The following TRUB1 variants were observed in gnomAD, a reference collection of about 807,000 sequenced individuals.
The protein encoded by TRUB1 is TruB pseudouridine synthase family member 1, also known as pseudouridylate synthase TRUB1.
Under a neutral mutation model 33.9 loss-of-function variants are expected in TRUB1, and 23 were observed. The observed-to-expected ratio is 0.68, with a 90% CI of 0.49 to 0.96. The LOEUF (loss-of-function observed/expected upper bound fraction) is 0.96, where lower values mean the gene tolerates loss of function less well. Ranked by LOEUF, TRUB1 falls within the 40% of genes least tolerant of loss-of-function variation. TRUB1 has a pLI of 0.00. For synonymous variants in TRUB1, 163 were observed against 165.4 expected (o/e 0.99, Z 0.11); for missense variants, 378 against 422.2 (o/e 0.90, Z 0.92).
Position 114,970,391 on chromosome 10 carries a change from G to T in TRUB1, c.547G>T (p.Glu183Ter). ...AGATAAAATAACACAAGAAGATATT[G>T]AAGGCATTCTACAGAAATTTACTGG... ...PYDKITQEDI[E>*]GILQKFTGNI... The change falls in exon 5 of 8, where the codon GAA becomes TAA. Residue 183 changes from glutamate (E) to a stop codon, truncating the protein, a stop_gained. Transcript: ENST00000298746. LOFTEE classifies it high-confidence loss of function. The T allele has an allele frequency of 6.2e-7, 1 of 1,612,292 alleles. No individual in the cohort carries two copies. The highest frequency in any genetic ancestry group is 1.1e-5 in the South Asian group (1 of 90,806).
chr10:114,942,681 A>G lies in TRUB1; in HGVS notation c.323A>G (p.Lys108Arg), dbSNP rs1030840502. Residue 108 changes from lysine to arginine, a missense_variant, in exon 2 of 8, where the codon AAA (lysine) becomes AGA (arginine). Coordinates refer to ENST00000298746, the MANE Select transcript of TRUB1 (RefSeq NM_139169.5). The stretch of plus-strand genomic sequence containing the variant: ...CCTTCTCCAGAATGGACCAAGAGGA[A>G]AAAGCAGACTTTGAAAATTGGGCAT... ...GMPSPEWTKR[K>R]KQTLKIGHGG... 5.0e-6 allele frequency: 8 copies of G among 1,614,024 alleles called. No individual in the cohort carries two copies. In the Admixed American group the frequency reaches 1.3e-4, roughly 27 times the overall value.
intron 2 of TRUB1, among the ~76,000 whole-genome samples, chr10:114,948,658 A>G (rs1485105944): frequency 6.6e-6 from 1 of 152,156 alleles, no homozygotes; most frequent in Non-Finnish European, 1.5e-5. Flanking sequence ...TAATCACCTC[A>G]CTTCAATGGC....
At chr10:114,942,506 A>G (rs1332321611) in intron 1 of TRUB1, 139 bp from the exon 2 acceptor site, 4 of 578,312 alleles carry the variant, frequency 6.9e-6, no homozygotes, top group African/African-American at 3.7e-5. Flanking sequence ...TAATGAGGTC[A>G]TAGTCTCTTA....
In TRUB1 at chr10:114,964,122, A is replaced by G. The variant is rs868513562; in HGVS notation, c.523+4315A>G. Among the ~76,000 whole-genome samples the G allele has an allele frequency of 1.1e-4, 16 of 152,338 alleles. No homozygotes were observed. In the South Asian group the frequency reaches 1.9e-3, roughly 18 times the overall value. ...AACTTTGCATTTCCACTAGGAGTGCATAAGCATTCCACTTGCCCCACATAC... is the reference window on the plus strand; with the variant it reads ...AACTTTGCATTTCCACTAGGAGTGCGTAAGCATTCCACTTGCCCCACATAC... On this transcript the variant is annotated intron_variant, in intron 4 of 7. Coordinates refer to ENST00000298746, the MANE Select transcript of TRUB1 (RefSeq NM_139169.5).
intron 2 of TRUB1, among the ~76,000 whole-genome samples, chr10:114,947,333 ATTGTT>A (rs1462937300): frequency 7.2e-6 from 1 of 138,418 alleles, no homozygotes; most frequent in Non-Finnish European, 1.7e-5. Flanking sequence ...AAAAGTTTGT[ATTGTT>A]TTAAGACAGA....
At chr10:114,945,238 G>A (rs2084206467) in intron 2 of TRUB1, among the ~76,000 whole-genome samples, 1 of 152,190 alleles carries the variant, frequency 6.6e-6, no homozygotes, top group Admixed American at 6.5e-5. Flanking sequence ...TATTGTGGAT[G>A]GCAGATACCT....
At chr10:114,951,183 A>C (rs770079647) in intron 3 of TRUB1, 34 bp downstream of exon 3, 68 of 1,539,898 alleles carry the variant, frequency 4.4e-5, no homozygotes, top group African/African-American at 5.5e-5. Flanking sequence ...TTTTTCTTTA[A>C]TGTTCTTAAT....
In TRUB1 at chr10:114,938,554, G is replaced by T; in HGVS notation, c.286+15G>T. On this transcript the variant is annotated intron_variant, in intron 1 of 7. Coordinates refer to ENST00000298746, the MANE Select transcript of TRUB1 (RefSeq NM_139169.5). ...GCTGCTGGCAGGTACTGCAGCCCGGGTGGGGACCAGGCTGAGGCGGTCGCT... is the reference window on the plus strand; with the variant it reads ...GCTGCTGGCAGGTACTGCAGCCCGGTTGGGGACCAGGCTGAGGCGGTCGCT... 1 of 1,518,448 alleles carries T rather than the reference G, an allele frequency of 6.6e-7. No individual in the cohort carries two copies. The highest frequency in any genetic ancestry group is 8.8e-7 in the Non-Finnish European group (1 of 1,136,362). 94.1% of individuals were successfully genotyped at this position (1,518,448 alleles called of 1,614,324 possible).
chr10:114,951,179 T>G (rs745717857), intron 3 of TRUB1, 30 bp downstream of exon 3: 1 of 1,568,272 alleles, frequency 6.4e-7, no homozygotes, highest in Non-Finnish European at 8.8e-7. Context: ...TCTATTTTTC[T>G]TTAATGTTCT....
chr10:114,939,468 G>C (rs2084175108), intron 1 of TRUB1, among the ~76,000 whole-genome samples: 1 of 127,764 alleles, frequency 7.8e-6, no homozygotes, highest in Non-Finnish European at 1.6e-5. Flanking sequence ...GCCGTATTCT[G>C]TCTCGCCATT....
At position 114,975,104 on chromosome 10, in the gene TRUB1, C is replaced by T. The variant is rs757796820; in HGVS notation, c.794-19C>T. ...ATCGTTTATCTTCTGGATTTTTTTT[C>T]TACCTTTTGTTGCCATAGAACTATC... is the stretch of plus-strand genomic sequence containing the variant. On this transcript the variant is annotated intron_variant, in intron 7 of 7. Transcript: ENST00000298746. 13 of 1,581,322 alleles carry T rather than the reference C, an allele frequency of 8.2e-6. No homozygotes were observed. The highest frequency in any genetic ancestry group is 1.7e-4 in the Middle Eastern group (1 of 5,858).
At chr10:114,972,100 C>T in intron 5 of TRUB1, 35 bp from the exon 6 acceptor site, 1 of 1,609,580 alleles carries the variant, frequency 6.2e-7, no homozygotes, top group Non-Finnish European at 8.5e-7. Flanking sequence ...TCTTGCTCTC[C>T]TTTCCTTCCA....
At chr10:114,952,932 T>A (rs1439347902) in intron 3 of TRUB1, among the ~76,000 whole-genome samples, 1 of 152,186 alleles carries the variant, frequency 6.6e-6, no homozygotes, top group East Asian at 1.9e-4. Context: ...TTATTTGGTA[T>A]TTTCTAAAAT....
chr10:114,967,849 G>A (rs1280582661), intron 4 of TRUB1, among the ~76,000 whole-genome samples: 1 of 152,136 alleles, frequency 6.6e-6, no homozygotes, highest in Non-Finnish European at 1.5e-5. Context: ...TGTACCACAA[G>A]CTTAGATTTT....
At chr10:114,970,588 C>A (rs977943674) in intron 5 of TRUB1, 148 bp downstream of exon 5, 9 of 655,726 alleles carry the variant, frequency 1.4e-5, no homozygotes, top group South Asian at 7.6e-5. Context: ...GAAGGTGAGA[C>A]AGGATGTGGA....
intron 2 of TRUB1, among the ~76,000 whole-genome samples, chr10:114,948,164 G>A (rs1434941556): frequency 6.6e-6 from 1 of 152,164 alleles, no homozygotes; most frequent in African/African-American, 2.4e-5. Flanking sequence ...TAGTAATTGT[G>A]CAACAGTGCA....
At chr10:114,948,078 T>A (rs2084218667) in intron 2 of TRUB1, among the ~76,000 whole-genome samples, 2 of 152,174 alleles carry the variant, frequency 1.3e-5, no homozygotes, top group South Asian at 4.1e-4. Context: ...TTGGAGATAG[T>A]TATTTTTGTT....
At chr10:114,965,569 G>A (rs2084303933) in intron 4 of TRUB1, among the ~76,000 whole-genome samples, 1 of 152,038 alleles carries the variant, frequency 6.6e-6, no homozygotes, top group Non-Finnish European at 1.5e-5. Context: ...AAGTTATGAT[G>A]ACCTCATACA....
chr10:114,955,568 G>GT (rs2084258399), intron 3 of TRUB1, among the ~76,000 whole-genome samples: 1 of 152,126 alleles, frequency 6.6e-6, no homozygotes, highest in Non-Finnish European at 1.5e-5. Context: ...CCCTCCAGTA[G>GT]TTAAACAAGT....
Sources: allele counts gnomAD v4.1 joint callset (sites outside exome capture counted in the v4.1 genomes callset), GRCh38; gene constraint gnomAD v4.1.1; transcripts MANE v1.5; gene names NCBI Gene and HGNC (gene_info 2026-07-23, HGNC 2026-07-21).